ARID4B: variants seen among roughly 807,000 people sequenced by gnomAD.
The protein encoded by ARID4B is AT-rich interactive domain-containing protein 4B.
ARID4B carries 26 observed loss-of-function variants against 147.5 expected under a neutral mutation model. That is an observed-to-expected ratio of 0.18 (90% CI 0.13 to 0.24). The LOEUF (loss-of-function observed/expected upper bound fraction) is 0.24. ARID4B is among the 10% of genes least tolerant of loss of function. ARID4B has a pLI of 1.00. For missense variants in ARID4B, 1,179 were observed against 1,511.5 expected, an observed-to-expected ratio of 0.78 and a Z score of 3.65; for synonymous variants, 512 against 507.9, an observed-to-expected ratio of 1.01 and a Z score of -0.11.
Position 235,172,697 on chromosome 1 carries a change from T to C in ARID4B, c.3732A>G (p.Arg1244=). 6.2e-7 allele frequency: 1 copy of C among 1,607,750 alleles called. No homozygotes were observed. The highest frequency in any genetic ancestry group is 8.5e-7 in the Non-Finnish European group (1 of 1,177,300). ...TILQEKLQEI[R]KHYLSLKSEV... ...CAGATTTTAATGACAGATAATGTTT[T>C]CTGATTTCTTGAAGTTTTTCTTGAA... is the stretch of plus-strand genomic sequence containing the variant. The change falls in exon 23 of 24, where the codon AGA becomes AGG. Residue 1244 remains arginine (R), a synonymous_variant. Coordinates refer to ENST00000264183, the MANE Select transcript of ARID4B (RefSeq NM_016374.6).
At chr1:235,322,572 T>C (rs539001396) in intron 2 of ARID4B, among the ~76,000 whole-genome samples, 1 of 152,216 alleles carries the variant, frequency 6.6e-6, no homozygotes, top group East Asian at 1.9e-4. Flanking sequence ...CATAGCTCTC[T>C]GATTTAGCTG....
intron 16 of ARID4B, among the ~76,000 whole-genome samples, chr1:235,215,545 A>ATGTGTGTGTGTGTGTGTGTG (rs1324619607): frequency 9.2e-6 from 1 of 108,960 alleles, no homozygotes; most frequent in African/African-American, 3.2e-5. Context: ...GCACACATAT[A>ATGTGTGTGTGTGTGTGTGTG]TATGTGTGTG....
chr1:235,215,803 G>A (rs1237870373), intron 16 of ARID4B, among the ~76,000 whole-genome samples: 1 of 151,518 alleles, frequency 6.6e-6, no homozygotes, highest in African/African-American at 2.4e-5. Context: ...TGTTTAGGCT[G>A]GTCTTGAACT....
chr1:235,303,669 C>T (rs1673346383), intron 2 of ARID4B, among the ~76,000 whole-genome samples: 1 of 152,154 alleles, frequency 6.6e-6, no homozygotes, highest in Middle Eastern at 3.2e-3. Context: ...TTCAAGGCTG[C>T]AGTGAGCTAT....
intron 19 of ARID4B, among the ~76,000 whole-genome samples, chr1:235,191,164 G>A (rs902082047): frequency 9.2e-5 from 14 of 152,030 alleles, no homozygotes; most frequent in African/African-American, 3.4e-4. Context: ...CATAAGCCTA[G>A]AATGAGAATA....
intron 23 of ARID4B, among the ~76,000 whole-genome samples, chr1:235,170,921 A>AT (rs1663300245): frequency 6.6e-6 from 1 of 150,848 alleles, no homozygotes; most frequent in Non-Finnish European, 1.5e-5. Context: ...AAAAAAAAAA[A>AT]AAAAAAAAAA....
intron 10 of ARID4B, 105 bp from the exon 11 acceptor site, chr1:235,229,490 C>A: frequency 1.3e-6 from 1 of 782,318 alleles, no homozygotes; most frequent in East Asian, 2.7e-5. Flanking sequence ...GCTAATACCA[C>A]TGACATTTAT....
chr1:235,313,599 A>G (rs1430595455), intron 2 of ARID4B, among the ~76,000 whole-genome samples: 1 of 152,224 alleles, frequency 6.6e-6, no homozygotes, highest in African/African-American at 2.4e-5. Flanking sequence ...CATACATAAA[A>G]GGCTATACAG....
chr1:235,273,683 C>T (rs184657712), intron 2 of ARID4B, among the ~76,000 whole-genome samples: 1 of 152,230 alleles, frequency 6.6e-6, no homozygotes, highest in East Asian at 1.9e-4. Context: ...AAACTAAATT[C>T]CACAAACCAA....
Position 235,182,564 on chromosome 1 carries a change from A to C in ARID4B, c.2355T>G (p.Asp785Glu). 6.2e-7 allele frequency: 1 copy of C among 1,612,264 alleles called. No homozygotes were observed. Among genetic ancestry groups the C allele is most frequent in the Non-Finnish European group, 8.5e-7 (1 of 1,179,642 alleles). Reference protein sequence around the residue: ...VSKSPERLRKDIEVLSEDTDY... With the variant: ...VSKSPERLRKEIEVLSEDTDY... The stretch of plus-strand genomic sequence containing the variant: ...CAGTATCTTCGGATAATACTTCTAT[A>C]TCTTTCCTTAATCTTTCTGGAGATT... Residue 785 changes from aspartate (D) to glutamate (E), a missense_variant, in exon 20 of 24, where the codon GAT becomes GAG. Coordinates refer to ENST00000264183, the MANE Select transcript of ARID4B (RefSeq NM_016374.6).
chr1:235,247,585 A>T (rs761565064), intron 6 of ARID4B, among the ~76,000 whole-genome samples: 11 of 152,244 alleles, frequency 7.2e-5, no homozygotes, highest in Non-Finnish European at 1.5e-4. Context: ...CAAAAGACTG[A>T]CAAAAATCAT....
intron 2 of ARID4B, among the ~76,000 whole-genome samples, chr1:235,304,208 C>T (rs149323683): frequency 2.0e-5 from 3 of 151,996 alleles, no homozygotes; most frequent in African/African-American, 4.8e-5. Context: ...ACTTGCCAGG[C>T]GTGGTGGCAT....
chr1:235,223,154 T>C lies in ARID4B; in HGVS notation c.1065+12A>G. ...CATGAAAAAGATGTTTCAGTTTGAC[T>C]ACAACACTCACATTATCAAATCCTC... is the stretch of plus-strand genomic sequence containing the variant. On this transcript the variant is annotated intron_variant, in intron 13 of 23. Transcript: ENST00000264183. 4.0e-6 allele frequency: 6 copies of C among 1,511,838 alleles called. No individual in the cohort carries two copies. The highest frequency in any genetic ancestry group is 1.2e-5 in the South Asian group (1 of 84,110). The allele number at this position is 1,511,838 out of a possible 1,614,324, so 93.7% of individuals were successfully genotyped here. A position where few individuals can be genotyped will look rare whatever the true frequency, so the allele number is the denominator to read the frequency against.
intron 2 of ARID4B, among the ~76,000 whole-genome samples, chr1:235,269,952 T>C (rs1022207800): frequency 2.0e-5 from 3 of 147,752 alleles, no homozygotes; most frequent in Admixed American, 1.3e-4. Flanking sequence ...TGTTTGTCTG[T>C]TTTTTTTGCT....
chr1:235,278,928 T>C (rs190171017), intron 2 of ARID4B, among the ~76,000 whole-genome samples: 1 of 152,202 alleles, frequency 6.6e-6, no homozygotes, highest in East Asian at 1.9e-4. Context: ...ATCTGAAAAT[T>C]TGTTTTTTTG....
At chr1:235,255,846 G>A (rs1010471247) in intron 4 of ARID4B, 96 bp from the exon 5 acceptor site, 3 of 774,858 alleles carry the variant, frequency 3.9e-6, no homozygotes, top group Non-Finnish European at 6.2e-6. Context: ...GCATGATGGT[G>A]AAGAATAAAA....
chr1:235,200,837 T>A (rs993004630), intron 17 of ARID4B, among the ~76,000 whole-genome samples: 2 of 152,158 alleles, frequency 1.3e-5, no homozygotes, highest in African/African-American at 4.8e-5. Context: ...TTCACATATC[T>A]TGAATTTCAT....
At chr1:235,208,295 G>A (rs927455294) in intron 17 of ARID4B, among the ~76,000 whole-genome samples, 8 of 151,968 alleles carry the variant, frequency 5.3e-5, no homozygotes, top group African/African-American at 1.9e-4. Context: ...CCATATTTAC[G>A]ACACGACTTA....
chr1:235,275,879 G>A (rs186424783), intron 2 of ARID4B, among the ~76,000 whole-genome samples: 168 of 152,318 alleles, frequency 1.1e-3, no homozygotes, highest in African/African-American at 3.9e-3. Context: ...GCTCACGCCT[G>A]TAATCCCAAC....
Sources: gnomAD v4.1 joint callset for allele counts (sites outside exome capture counted in the v4.1 genomes callset) on GRCh38, gnomAD v4.1.1 for gene constraint, MANE v1.5 for transcripts, NCBI Gene and HGNC (gene_info 2026-07-23, HGNC 2026-07-21) for gene names.